Variants in PAX8 observed in about 807,000 individuals in gnomAD.
The protein encoded by PAX8 is paired box protein Pax-8.
A neutral mutation model predicts 52.4 loss-of-function variants in PAX8; 15 were observed. That is an observed-to-expected ratio of 0.29 (90% CI 0.19 to 0.44). The LOEUF (loss-of-function observed/expected upper bound fraction) is 0.44, where lower values mean the gene tolerates loss of function less well. PAX8 is among the 20% of genes least tolerant of loss of function. PAX8 has a pLI of 1.00. For missense variants in PAX8, 554 were observed against 602.5 expected (o/e 0.92, Z 0.84); for synonymous variants, 284 against 249.7 (o/e 1.14, Z -1.29).
chr2:113,225,945 AAGGGAGGG>A, intron 10 of PAX8: 1 of 923,230 alleles, frequency 1.1e-6, no homozygotes, highest in Non-Finnish European at 1.3e-6. Context: ...CCAGAAGAGG[AAGGGAGGG>A]AGGGAGGGAG....
At chr2:113,267,221 T>G (rs1486383828) in intron 2 of PAX8, 1 of 152,390 alleles carries the variant, frequency 6.6e-6, no homozygotes, top group South Asian at 2.1e-4. Flanking sequence ...CTTCAGTGCT[T>G]CATTCTTGGG....
chr2:113,251,535 T>C (rs1691764306), intron 2 of PAX8, among the ~76,000 whole-genome samples: 1 of 152,142 alleles, frequency 6.6e-6, no homozygotes, highest in African/African-American at 2.4e-5. Context: ...TGAAAGGTAC[T>C]CAGACGGGAA....
intron 2 of PAX8, among the ~76,000 whole-genome samples, chr2:113,260,853 TAGAG>T (rs138721214): frequency 5.4e-5 from 8 of 149,494 alleles, no homozygotes; most frequent in African/African-American, 1.2e-4. Flanking sequence ...AGGGCACGTT[TAGAG>T]AGAGAGAGAG....
At chr2:113,227,384 TC>T (rs1689646699) in intron 9 of PAX8, 128 bp from the exon 10 acceptor site, 1 of 758,862 alleles carries the variant, frequency 1.3e-6, no homozygotes, top group Non-Finnish European at 2.2e-6. Context: ...CAAACCCACT[TC>T]CTCCTGCCCC....
At chr2:113,246,293 C>G (rs944382344) in intron 3 of PAX8, among the ~76,000 whole-genome samples, 6 of 152,202 alleles carry the variant, frequency 3.9e-5, no homozygotes, top group African/African-American at 1.4e-4. Flanking sequence ...GGCTATGAAG[C>G]ACTGATCTGG....
intron 7 of PAX8, chr2:113,240,755 T>C (rs745912): frequency 0.15 from 22,274 of 152,920 alleles, 1,855 homozygotes; most frequent in Non-Finnish European, 0.19. Context: ...ATTCATTCAC[T>C]ATACCATTAC....
intron 1 of PAX8, 54 bp downstream of exon 1, chr2:113,278,777 C>A: frequency 1.1e-6 from 1 of 891,392 alleles, no homozygotes; most frequent in Non-Finnish European, 1.4e-6. Flanking sequence ...CTCCTTTCTT[C>A]CATCCCCCGT....
Position 113,241,571 on chromosome 2 carries a change from T to TG in PAX8, c.756dup (p.Ser253GlnfsTer66). 6.2e-7 allele frequency: 1 copy of TG among 1,609,750 alleles called. No individual in the cohort carries two copies. The highest frequency in any genetic ancestry group is 1.7e-5 in the Admixed American group (1 of 59,438). ...CTCACCTGCTCGCCTTTGGTGTGGC[T>TG]GGGGGAGGCATAGGCCTCTGGGTAG... On this transcript the variant is annotated frameshift_variant, in exon 7 of 12. Coordinates refer to ENST00000429538, the MANE Select transcript of PAX8 (RefSeq NM_003466.4). LOFTEE classifies it high-confidence loss of function.
At position 113,241,600 on chromosome 2, in the gene PAX8, T is replaced by A; in HGVS notation, c.728A>T (p.Gln243Leu). 6.2e-7 allele frequency: 1 copy of A among 1,613,310 alleles called. No individual in the cohort carries two copies. Among genetic ancestry groups the A allele is most frequent in the Non-Finnish European group, 8.5e-7 (1 of 1,179,920 alleles). Residue 243 changes from glutamine (Q) to leucine (L), a missense_variant, in exon 7 of 12, where the codon CAG becomes CTG. Coordinates refer to ENST00000429538, the MANE Select transcript of PAX8 (RefSeq NM_003466.4). Reference protein sequence around the residue: ...LEPLECPFERQHYPEAYASPS... With the variant: ...LEPLECPFERLHYPEAYASPS... ...GGAGGCATAGGCCTCTGGGTAGTGC[T>A]GCCGCTCAAATGGGCACTCGAGCGG...
intron 9 of PAX8, among the ~76,000 whole-genome samples, chr2:113,230,774 G>A (rs1233058989): frequency 1.3e-5 from 2 of 152,264 alleles, no homozygotes; most frequent in Non-Finnish European, 2.9e-5. Context: ...CACAGAAGCT[G>A]TGGGGTGGAA....
chr2:113,262,224 C>T (rs552792825), intron 2 of PAX8, among the ~76,000 whole-genome samples: 1 of 152,122 alleles, frequency 6.6e-6, no homozygotes, highest in Non-Finnish European at 1.5e-5. Flanking sequence ...CTATGATGCT[C>T]AGGCTGGTCT....
chr2:113,220,334 C>T, intron 10 of PAX8, 156 bp from the exon 11 acceptor site: 1 of 639,862 alleles, frequency 1.6e-6, no homozygotes, highest in South Asian at 1.8e-5. Context: ...CAGAAGGTCC[C>T]TCTGTCATCC....
At chr2:113,276,184 G>A (rs1329402599) in intron 2 of PAX8, 1 of 152,202 alleles carries the variant, frequency 6.6e-6, no homozygotes, top group Non-Finnish European at 1.5e-5. Flanking sequence ...TATGAGTTTA[G>A]CTCCGGTTAT....
At chr2:113,248,363 C>T (rs1016651742) in intron 2 of PAX8, among the ~76,000 whole-genome samples, 1 of 152,212 alleles carries the variant, frequency 6.6e-6, no homozygotes, top group Non-Finnish European at 1.5e-5. Context: ...GTCATTGGCT[C>T]TGCTGTTTTG....
At chr2:113,268,036 C>G (rs1393487377) in intron 2 of PAX8, 1 of 152,286 alleles carries the variant, frequency 6.6e-6, no homozygotes, top group Non-Finnish European at 1.5e-5. Flanking sequence ...GAGAGAGCCT[C>G]CTGGAATTTT....
intron 7 of PAX8, chr2:113,241,300 G>A (rs899552381): frequency 8.4e-6 from 5 of 597,364 alleles, no homozygotes; most frequent in African/African-American, 1.9e-5. Flanking sequence ...TCATCAGGTT[G>A]TGCTGCCATC....
intron 2 of PAX8, among the ~76,000 whole-genome samples, chr2:113,277,018 C>T (rs1017836352): frequency 6.6e-6 from 1 of 152,292 alleles, no homozygotes; most frequent in South Asian, 2.1e-4. Context: ...GGCCTAGGAG[C>T]GCTCGTGGTT....
chr2:113,242,277 C>CT, intron 5 of PAX8, 147 bp from the exon 6 acceptor site: 1 of 653,328 alleles, frequency 1.5e-6, no homozygotes, highest in Non-Finnish European at 2.7e-6. Context: ...CCTTACAGCC[C>CT]TGGGGTGACT....
Position 113,218,120 on chromosome 2 carries a change from G to C in PAX8, c.*413C>G, listed in dbSNP as rs1305535791. 1.7e-5 allele frequency: 4 copies of C among 241,312 alleles called. No individual in the cohort carries two copies. The highest frequency in any genetic ancestry group is 4.4e-5 in the African/African-American group (2 of 45,648). The allele number at this position is 241,312 out of a possible 1,614,324, so 14.9% of individuals were successfully genotyped here. A position where few individuals can be genotyped will look rare whatever the true frequency, so the allele number is the denominator to read the frequency against. On this transcript the variant is annotated 3_prime_UTR_variant, in exon 12 of 12. Coordinates refer to ENST00000429538, the MANE Select transcript of PAX8 (RefSeq NM_003466.4). ...AGGGAAGTGCTTATGGTCCATAATTGCTAGAGTTGTGTTAATAATGGAGCC... is the reference window on the plus strand; with the variant it reads ...AGGGAAGTGCTTATGGTCCATAATTCCTAGAGTTGTGTTAATAATGGAGCC...
Sources: gnomAD v4.1 joint callset for allele counts (sites outside exome capture counted in the v4.1 genomes callset) on GRCh38, gnomAD v4.1.1 for gene constraint, MANE v1.5 for transcripts, NCBI Gene and HGNC (gene_info 2026-07-23, HGNC 2026-07-21) for gene names.